PTPRD: variants seen among roughly 807,000 people sequenced by gnomAD.
The protein encoded by PTPRD is receptor-type tyrosine-protein phosphatase delta.
Under a neutral mutation model 214.5 loss-of-function variants are expected in PTPRD, and 34 were observed. The ratio of observed to expected loss-of-function variants is 0.16; its 90% CI spans 0.12 to 0.21. PTPRD has a LOEUF of 0.21. PTPRD is among the 10% of genes least tolerant of loss of function. The probability of loss-of-function intolerance (pLI) is 1.00; values close to 1 mark genes in which losing one functional copy is unlikely to be tolerated. For synonymous variants in PTPRD, 1,128 were observed against 845.7 expected (o/e 1.33, Z -5.79); for missense variants, 2,545 against 2,398.7 (o/e 1.06, Z -1.27).
chr9:9,886,167 C>A (rs548141442), intron 5 of PTPRD, among the ~76,000 whole-genome samples: 3 of 151,942 alleles, frequency 2.0e-5, no homozygotes, highest in Admixed American at 1.3e-4. Flanking sequence ...CATCAGAGGA[C>A]AACTCCAGAG....
chr9:9,173,151 T>C (rs1241368536), intron 10 of PTPRD, among the ~76,000 whole-genome samples: 1 of 152,178 alleles, frequency 6.6e-6, no homozygotes, highest in African/African-American at 2.4e-5. Flanking sequence ...TCTTTCCTTA[T>C]CTAGAATATT....
At chr9:10,117,163 C>T (rs2098736875) in intron 3 of PTPRD, among the ~76,000 whole-genome samples, 1 of 152,078 alleles carries the variant, frequency 6.6e-6, no homozygotes, top group Admixed American at 6.6e-5. Flanking sequence ...GATCGATAAA[C>T]ATTTGTGCAA....
At chr9:8,388,049 C>T (rs2087853357) in intron 37 of PTPRD, among the ~76,000 whole-genome samples, 2 of 152,180 alleles carry the variant, frequency 1.3e-5, no homozygotes, top group Admixed American at 6.5e-5. Context: ...CTATACAATT[C>T]AGATGTTTTG....
chr9:9,082,295 G>C (rs1281249535), intron 10 of PTPRD, among the ~76,000 whole-genome samples: 1 of 152,114 alleles, frequency 6.6e-6, no homozygotes, highest in Non-Finnish European at 1.5e-5. Flanking sequence ...ACACAAGGGT[G>C]GTTCAACATA....
At chr9:10,002,770 G>C (rs947371800) in intron 4 of PTPRD, among the ~76,000 whole-genome samples, 2 of 148,410 alleles carry the variant, frequency 1.3e-5, no homozygotes, top group Non-Finnish European at 1.5e-5. Flanking sequence ...TTCAATAATA[G>C]ATAAAATGAA....
intron 9 of PTPRD, among the ~76,000 whole-genome samples, chr9:9,344,613 G>C (rs1432401937): frequency 6.6e-6 from 1 of 151,978 alleles, no homozygotes; most frequent in Non-Finnish European, 1.5e-5. Context: ...CACAAATGCA[G>C]ATAAAAGATA....
intron 11 of PTPRD, among the ~76,000 whole-genome samples, chr9:8,896,597 T>A (rs2098614161): frequency 6.6e-6 from 1 of 152,180 alleles, no homozygotes; most frequent in Non-Finnish European, 1.5e-5. Context: ...ATAATAAAAC[T>A]GTTTACTTTA....
chr9:10,272,752 T>C (rs2094489333), intron 3 of PTPRD, among the ~76,000 whole-genome samples: 1 of 152,240 alleles, frequency 6.6e-6, no homozygotes, highest in South Asian at 2.1e-4. Context: ...AGTCAGTAAA[T>C]TAAGCTGTAT....
intron 11 of PTPRD, among the ~76,000 whole-genome samples, chr9:8,896,625 A>G (rs1189199545): frequency 6.6e-6 from 1 of 152,204 alleles, no homozygotes; most frequent in African/African-American, 2.4e-5. Context: ...ATTAATGAAG[A>G]GGAGTAGGTA....
intron 7 of PTPRD, among the ~76,000 whole-genome samples, chr9:9,597,560 C>A (rs1041591825): frequency 4.0e-5 from 6 of 151,794 alleles, no homozygotes; most frequent in African/African-American, 1.5e-4. Flanking sequence ...GGAAAAGTAC[C>A]GTAGAACTGC....
chr9:9,755,747 A>G (rs1459874218), intron 6 of PTPRD, among the ~76,000 whole-genome samples: 2 of 152,122 alleles, frequency 1.3e-5, no homozygotes, highest in African/African-American at 2.4e-5. Context: ...CTGATACAGC[A>G]TAGGAATTAC....
At chr9:9,076,203 T>G (rs533245524) in intron 10 of PTPRD, among the ~76,000 whole-genome samples, 1 of 152,092 alleles carries the variant, frequency 6.6e-6, no homozygotes, top group Non-Finnish European at 1.5e-5. Context: ...GCTGCATAAA[T>G]GTCTTCGAGA....
In PTPRD at chr9:9,876,459, C is replaced by T. The variant is rs550571692; in HGVS notation, c.-368+62048G>A. Among the ~76,000 whole-genome samples, 7 of 152,082 alleles carry T rather than the reference C, an allele frequency of 4.6e-5. No homozygotes were observed. In the South Asian group the frequency reaches 1.5e-3, roughly 32 times the overall value. The stretch of plus-strand genomic sequence containing the variant: ...TGTGAATGTCTCTTCAGGGCACCTA[C>T]AATTCTATTTTAATTATATCACCTC... On this transcript the variant is annotated intron_variant, in intron 5 of 45. Transcript: ENST00000381196.
intron 7 of PTPRD, among the ~76,000 whole-genome samples, chr9:9,705,518 C>T (rs1463819256): frequency 2.6e-5 from 4 of 152,062 alleles, no homozygotes; most frequent in African/African-American, 9.7e-5. Flanking sequence ...CTTCTACTAT[C>T]TAAAATAGAA....
chr9:8,842,009 T>A (rs2097568586), intron 11 of PTPRD, among the ~76,000 whole-genome samples: 1 of 57,824 alleles, frequency 1.7e-5, no homozygotes, highest in Non-Finnish European at 3.1e-5. Flanking sequence ...AGACACAGTC[T>A]CAAAAAAAAA....
chr9:10,209,060 AG>A (rs2099501169), intron 3 of PTPRD, among the ~76,000 whole-genome samples: 1 of 152,172 alleles, frequency 6.6e-6, no homozygotes, highest in African/African-American at 2.4e-5. Flanking sequence ...TCCATGTTTA[AG>A]TTTTATGAAT....
intron 8 of PTPRD, among the ~76,000 whole-genome samples, chr9:9,427,414 G>A (rs1322438503): frequency 6.6e-6 from 1 of 152,176 alleles, no homozygotes; most frequent in Non-Finnish European, 1.5e-5. Flanking sequence ...GGGACTATGT[G>A]AAAAGACCAA....
chr9:9,826,392 T>A (rs1269000274), intron 5 of PTPRD, among the ~76,000 whole-genome samples: 1 of 151,910 alleles, frequency 6.6e-6, no homozygotes, highest in African/African-American at 2.4e-5. Context: ...TGCCTTTCAA[T>A]TATTTAAAAA....
At chr9:9,477,281 C>T (rs1324235900) in intron 8 of PTPRD, among the ~76,000 whole-genome samples, 3 of 152,236 alleles carry the variant, frequency 2.0e-5, no homozygotes, top group East Asian at 3.9e-4. Context: ...TGCCTCTAAC[C>T]GTAAAGGTAG....
Sources: allele counts gnomAD v4.1 joint callset (sites outside exome capture counted in the v4.1 genomes callset), GRCh38; gene constraint gnomAD v4.1.1; transcripts MANE v1.5; gene names NCBI Gene and HGNC (gene_info 2026-07-23, HGNC 2026-07-21).